The following KCNIP1 variants were observed in gnomAD, a reference collection of about 807,000 sequenced individuals.
The protein encoded by KCNIP1 is potassium voltage-gated channel interacting protein 1.
Under a neutral mutation model 33.0 loss-of-function variants are expected in KCNIP1, and 18 were observed. That is an observed-to-expected ratio of 0.55 (90% CI 0.38 to 0.81). The LOEUF (loss-of-function observed/expected upper bound fraction) is 0.81. KCNIP1 is among the 30% of genes least tolerant of loss of function. KCNIP1 has a pLI of 0.00. For missense variants in KCNIP1, 238 were observed against 271.6 expected, an observed-to-expected ratio of 0.88 and a Z score of 0.87; for synonymous variants, 93 against 98.3, an observed-to-expected ratio of 0.95 and a Z score of 0.32.
Position 170,599,722 on chromosome 5 carries a change from C to T in KCNIP1, c.61+95089C>T, listed in dbSNP as rs948174102. ...AGAACACTGGCAGAAGAGGAAGAAA[C>T]CAGACAACCTGGAAGCCAAGCAGAT... On this transcript the variant is annotated intron_variant, in intron 1 of 7. Coordinates refer to ENST00000328939, the MANE Select transcript of KCNIP1 (RefSeq NM_014592.4). 3.8e-4 allele frequency among the ~76,000 whole-genome samples: 57 copies of T among 151,940 alleles called. 1 individual carries two copies. Among genetic ancestry groups the T allele is most frequent in the Non-Finnish European group, 1.5e-4 (10 of 68,000 alleles).
chr5:170,405,573 C>G (rs984540582), intron 1 of KCNIP1, among the ~76,000 whole-genome samples: 1 of 152,154 alleles, frequency 6.6e-6, no homozygotes, highest in Non-Finnish European at 1.5e-5. Context: ...TCTCTTGATT[C>G]ATTTTGTTTT....
chr5:170,522,281 G>A lies in KCNIP1; in HGVS notation c.61+17648G>A, dbSNP rs117500099. Among the ~76,000 whole-genome samples the A allele has an allele frequency of 9.2e-5, 14 of 152,326 alleles. No homozygotes were observed. In the East Asian group the frequency reaches 2.3e-3, roughly 25 times the overall value. On this transcript the variant is annotated intron_variant, in intron 1 of 7. Coordinates refer to ENST00000328939, the MANE Select transcript of KCNIP1 (RefSeq NM_014592.4). ...CTGATGTCAGCTGCTTCCCTCCCGA[G>A]GACAGCCTGCAGCAGATGGTCAGAG...
chr5:170,461,430 C>A (rs1018501136), intron 1 of KCNIP1, among the ~76,000 whole-genome samples: 2 of 152,132 alleles, frequency 1.3e-5, no homozygotes, highest in Non-Finnish European at 2.9e-5. Context: ...GCCATAGTCA[C>A]CCAAACAGCA....
intron 1 of KCNIP1, among the ~76,000 whole-genome samples, chr5:170,494,542 A>G (rs1052618192): frequency 1.2e-4 from 19 of 152,238 alleles, no homozygotes; most frequent in African/African-American, 4.3e-4. Flanking sequence ...AATAATTGCT[A>G]CACGAATGCC....
intron 5 of KCNIP1, among the ~76,000 whole-genome samples, chr5:170,727,559 C>T (rs1764054658): frequency 6.6e-6 from 1 of 152,104 alleles, no homozygotes; most frequent in South Asian, 2.1e-4. Flanking sequence ...GGAAAAAAAT[C>T]CTGTGAAATA....
chr5:170,407,212 G>A (rs1459317001), intron 1 of KCNIP1, among the ~76,000 whole-genome samples: 3 of 152,204 alleles, frequency 2.0e-5, no homozygotes, highest in Non-Finnish European at 4.4e-5. Flanking sequence ...GCTAGCGGGG[G>A]AAGCTGCACG....
At chr5:170,394,774 G>A (rs1254520515) in intron 1 of KCNIP1, among the ~76,000 whole-genome samples, 2 of 152,120 alleles carry the variant, frequency 1.3e-5, no homozygotes, top group Non-Finnish European at 2.9e-5. Flanking sequence ...GGAGTCCCCA[G>A]TATCTATTAT....
At chr5:170,562,725 T>A (rs1757076170) in intron 1 of KCNIP1, among the ~76,000 whole-genome samples, 1 of 152,186 alleles carries the variant, frequency 6.6e-6, no homozygotes, top group South Asian at 2.1e-4. Flanking sequence ...AGGGGCACAT[T>A]TGCATTTCAA....
At chr5:170,452,334 C>T (rs1756274988) in intron 1 of KCNIP1, among the ~76,000 whole-genome samples, 1 of 152,192 alleles carries the variant, frequency 6.6e-6, no homozygotes, top group African/African-American at 2.4e-5. Context: ...GATAGGGCTT[C>T]TCCTTAGCAA....
intron 1 of KCNIP1, chr5:170,375,231 A>C (rs771204408): frequency 1.3e-5 from 2 of 152,206 alleles, no homozygotes; most frequent in Non-Finnish European, 2.9e-5. Flanking sequence ...ATTTTGCAAA[A>C]CTATAGTACA....
chr5:170,566,299 G>T (rs1209740822), intron 1 of KCNIP1, among the ~76,000 whole-genome samples: 1 of 152,138 alleles, frequency 6.6e-6, no homozygotes, highest in Non-Finnish European at 1.5e-5. Flanking sequence ...CATTGTGTTG[G>T]CTAGGCTGGT....
chr5:170,381,799 A>C (rs1764251755), intron 1 of KCNIP1, among the ~76,000 whole-genome samples: 1 of 152,176 alleles, frequency 6.6e-6, no homozygotes, highest in Admixed American at 6.5e-5. Flanking sequence ...GAATGTTACC[A>C]GTTATTGAAA....
At chr5:170,700,766 T>C (rs10053768) in intron 1 of KCNIP1, among the ~76,000 whole-genome samples, 24,411 of 152,028 alleles carry the variant, frequency 0.16, 2,353 homozygotes, top group African/African-American at 0.27. Context: ...ACGCACACAA[T>C]AGAAATGTTC....
chr5:170,552,464 G>A (rs1199599488), intron 1 of KCNIP1, among the ~76,000 whole-genome samples: 1 of 152,218 alleles, frequency 6.6e-6, no homozygotes, highest in East Asian at 1.9e-4. Flanking sequence ...GAGGCCACGA[G>A]GAGGGGAGTG....
At chr5:170,677,837 A>G (rs1762202961) in intron 1 of KCNIP1, among the ~76,000 whole-genome samples, 1 of 152,070 alleles carries the variant, frequency 6.6e-6, no homozygotes, top group Non-Finnish European at 1.5e-5. Context: ...GGAAAAAAAA[A>G]TGCCTGTCAG....
At chr5:170,674,923 G>C (rs1255998951) in intron 1 of KCNIP1, among the ~76,000 whole-genome samples, 1 of 151,376 alleles carries the variant, frequency 6.6e-6, no homozygotes, top group East Asian at 1.9e-4. Context: ...TCTTCCCAAT[G>C]ACAGGTTCTG....
chr5:170,429,403 A>T (rs1755690740), intron 1 of KCNIP1, among the ~76,000 whole-genome samples: 1 of 143,088 alleles, frequency 7.0e-6, no homozygotes, highest in African/African-American at 2.6e-5. Context: ...ATATATATAT[A>T]TTCTCATACT....
At chr5:170,483,505 C>G (rs1371476953) in intron 1 of KCNIP1, among the ~76,000 whole-genome samples, 1 of 152,192 alleles carries the variant, frequency 6.6e-6, no homozygotes, top group Non-Finnish European at 1.5e-5. Flanking sequence ...GAAGAGAGTA[C>G]CAATCACTCC....
intron 1 of KCNIP1, among the ~76,000 whole-genome samples, chr5:170,589,778 GTGTGA>G (rs200709882): frequency 2.7e-5 from 3 of 111,376 alleles, no homozygotes; most frequent in Non-Finnish European, 3.8e-5. Flanking sequence ...GTGTGGTGTG[GTGTGA>G]TGTGATGTGG....
Sources: allele counts gnomAD v4.1 joint callset (sites outside exome capture counted in the v4.1 genomes callset), GRCh38; gene constraint gnomAD v4.1.1; transcripts MANE v1.5; gene names NCBI Gene and HGNC (gene_info 2026-07-23, HGNC 2026-07-21).